MLKL: variants seen among roughly 807,000 people sequenced by gnomAD.
MLKL encodes mixed lineage kinase domain like pseudokinase, also known as mixed lineage kinase domain-like protein.
Under a neutral mutation model 56.5 loss-of-function variants are expected in MLKL, and 55 were observed. The ratio of observed to expected loss-of-function variants is 0.97; its 90% CI spans 0.78 to 1.22. The LOEUF (loss-of-function observed/expected upper bound fraction) is 1.22, where lower values mean the gene tolerates loss of function less well. Among genes scored for constraint, MLKL ranks in the 50% most tolerant of loss-of-function variants. The pLI, the probability that MLKL is intolerant of heterozygous loss-of-function variation, is 0.00. For synonymous variants in MLKL, 251 were observed against 208.3 expected (o/e 1.20, Z -1.76); for missense variants, 694 against 573.9 (o/e 1.21, Z -2.14).
intron 4 of MLKL, among the ~76,000 whole-genome samples, chr16:74,686,097 C>A (rs1960310338): frequency 6.6e-6 from 1 of 151,972 alleles, no homozygotes; most frequent in Admixed American, 6.6e-5. Context: ...GTAGCTGGAA[C>A]TACAGGTGCG....
chr16:74,691,757 C>G (rs989559957), intron 3 of MLKL, among the ~76,000 whole-genome samples: 4 of 152,164 alleles, frequency 2.6e-5, no homozygotes, highest in Non-Finnish European at 5.9e-5. Context: ...TCATCTCTCT[C>G]ATCCTGGAAG....
In MLKL at chr16:74,695,512, T is replaced by G. The variant is rs112620118; in HGVS notation, c.246A>C (p.Arg82Ser). Residue 82 changes from arginine to serine, a missense_variant, in exon 2 of 11, where the codon AGA becomes AGC. By Grantham distance (110) the Arg-to-Ser change is moderately radical (BLOSUM62 -1). Coordinates refer to ENST00000308807, the MANE Select transcript of MLKL (RefSeq NM_152649.4). Reference sequence around the variant, plus strand: ...CTGTTAGAAACCTGCAGATATTGGATCTATTGCTGAACTTTTCTATCTCCC... The same window carrying G: ...CTGTTAGAAACCTGCAGATATTGGAGCTATTGCTGAACTTTTCTATCTCCC... Reference protein sequence around the residue: ...ANGEIEKFSNRSNICRFLTAS... With the variant: ...ANGEIEKFSNSSNICRFLTAS... 1,571 of 1,614,154 alleles carry G rather than the reference T, an allele frequency of 9.7e-4. 8 individuals carry two copies. The African/African-American group carries it at 0.018, about 18-fold the overall frequency.
intron 10 of MLKL, among the ~76,000 whole-genome samples, chr16:74,673,141 G>C (rs1388569997): frequency 6.6e-6 from 1 of 152,166 alleles, no homozygotes; most frequent in African/African-American, 2.4e-5. Flanking sequence ...TCATGCTCAA[G>C]ACTTCTGTAA....
At chr16:74,691,585 T>C (rs1352470876) in intron 3 of MLKL, 122 bp from the exon 4 acceptor site, 9 of 1,129,920 alleles carry the variant, frequency 8.0e-6, no homozygotes, top group Non-Finnish European at 1.0e-5. Flanking sequence ...CCAGAGCTGG[T>C]GGTGGCTGGG....
intron 1 of MLKL, among the ~76,000 whole-genome samples, chr16:74,699,967 AG>A (rs34849049): frequency 4.6e-5 from 7 of 152,132 alleles, no homozygotes; most frequent in Non-Finnish European, 1.0e-4. Context: ...AAAAAGAAAA[AG>A]GGGATTATGT....
intron 1 of MLKL, among the ~76,000 whole-genome samples, chr16:74,697,772 T>C (rs903528984): frequency 6.6e-6 from 1 of 151,846 alleles, no homozygotes. Flanking sequence ...TGAGCTATGA[T>C]GACACCACTG....
chr16:74,672,905 C>A (rs1959323803), intron 10 of MLKL, among the ~76,000 whole-genome samples: 1 of 152,130 alleles, frequency 6.6e-6, no homozygotes, highest in South Asian at 2.1e-4. Context: ...GGCTTCTCAT[C>A]CACCCCAAAG....
At chr16:74,700,285 T>C (rs916679241) in intron 1 of MLKL, among the ~76,000 whole-genome samples, 168 bp downstream of exon 1, 2 of 152,002 alleles carry the variant, frequency 1.3e-5, no homozygotes, top group African/African-American at 4.8e-5. Context: ...TAGTGCGAGA[T>C]CCGAGCAGGC....
At chr16:74,676,476 T>TTTCA (rs776138693) in intron 7 of MLKL, 85 of 985,066 alleles carry the variant, frequency 8.6e-5, no homozygotes, top group African/African-American at 1.6e-4. Flanking sequence ...CTCATCCCCC[T>TTTCA]TTCATTCATT....
intron 5 of MLKL, 78 bp from the exon 6 acceptor site, chr16:74,682,864 C>G (rs1567606978): frequency 1.2e-5 from 19 of 1,536,864 alleles, no homozygotes; most frequent in Non-Finnish European, 1.7e-5. Context: ...CTCTCCCAGC[C>G]TCGGTACAGA....
In MLKL at chr16:74,695,697, T is replaced by C; in HGVS notation, c.61A>G (p.Met21Val). 2.5e-6 allele frequency: 4 copies of C among 1,614,064 alleles called. No individual in the cohort carries two copies. Among genetic ancestry groups the C allele is most frequent in the Non-Finnish European group, 2.5e-6 (3 of 1,180,036 alleles). Reference sequence around the variant, plus strand: ...CGGCACTGTTTCTTGCAGTATTTCATCTCTTCACACCGTTTGTGGATGACC... The same window carrying C: ...CGGCACTGTTTCTTGCAGTATTTCACCTCTTCACACCGTTTGTGGATGACC... ...GQVIHKRCEE[M>V]KYCKKQCRRL... The change falls in exon 2 of 11, where the codon ATG becomes GTG. Residue 21 changes from methionine to valine, a missense_variant. Coordinates refer to ENST00000308807, the MANE Select transcript of MLKL (RefSeq NM_152649.4).
chr16:74,676,135 A>T (rs1597480291), intron 7 of MLKL: 1 of 460,472 alleles, frequency 2.2e-6, no homozygotes, highest in Non-Finnish European at 2.9e-6. Flanking sequence ...GTGAGAGTGG[A>T]GAGGGGTCAT....
At chr16:74,683,617 T>A (rs1334740149) in intron 5 of MLKL, among the ~76,000 whole-genome samples, 1 of 152,042 alleles carries the variant, frequency 6.6e-6, no homozygotes, top group African/African-American at 2.4e-5. Flanking sequence ...AAAAATTCTT[T>A]TTCTTTTTCT....
At position 74,682,692 on chromosome 16, in the gene MLKL, C is replaced by CTTGCCAAGTGTGAGGTCTTTG; in HGVS notation, c.914_915insCAAAGACCTCACACTTGGCAA (p.Gly304_Lys305insAsnLysAspLeuThrLeuGly). 1 of 1,614,174 alleles carries CTTGCCAAGTGTGAGGTCTTTG rather than the reference C, an allele frequency of 6.2e-7. No homozygotes were observed. The highest frequency in any genetic ancestry group is 8.5e-7 in the Non-Finnish European group (1 of 1,180,024). ...CTGCCCCCAGGACTAGGACCATGCG[C>CTTGCCAAGTGTGAGGTCTTTG]TTGCCAAGTGTGAGGTCTTTTTCCC... On this transcript the variant is annotated inframe_insertion, in exon 6 of 11. Coordinates refer to ENST00000308807, the MANE Select transcript of MLKL (RefSeq NM_152649.4).
chr16:74,695,688 A>T lies in MLKL; in HGVS notation c.70T>A (p.Cys24Ser), dbSNP rs755990531. 1 of 1,614,100 alleles carries T rather than the reference A, an allele frequency of 6.2e-7. No homozygotes were observed. The highest frequency in any genetic ancestry group is 2.2e-5 in the East Asian group (1 of 44,880). Residue 24 changes from cysteine to serine, a missense_variant, in exon 2 of 11, where the codon TGC becomes AGC. Transcript: ENST00000308807. Reference protein sequence around the residue: ...IHKRCEEMKYCKKQCRRLGHR... With the variant: ...IHKRCEEMKYSKKQCRRLGHR... ...CCCAGGCGCCGGCACTGTTTCTTGCAGTATTTCATCTCTTCACACCGTTTG... is the reference window on the plus strand; with the variant it reads ...CCCAGGCGCCGGCACTGTTTCTTGCTGTATTTCATCTCTTCACACCGTTTG...
chr16:74,695,599 C>A lies in MLKL; in HGVS notation c.159G>T (p.Val53=). 1 of 1,614,214 alleles carries A rather than the reference C, an allele frequency of 6.2e-7. No individual in the cohort carries two copies. The highest frequency in any genetic ancestry group is 8.5e-7 in the Non-Finnish European group (1 of 1,180,042). The stretch of plus-strand genomic sequence containing the variant: ...TGGCTGTGGTTAACTTCTCAGAGGG[C>A]ACGCTCCTCTTTCCTTGGTCCTGGA... The part of the protein sequence containing the change: ...EMLQDQGKRS[V]PSEKLTTAMN... The change falls in exon 2 of 11, where the codon GTG becomes GTT. Residue 53 remains valine, a synonymous_variant. Transcript: ENST00000308807.
chr16:74,697,435 G>C (rs754233446), intron 1 of MLKL, among the ~76,000 whole-genome samples: 14 of 152,086 alleles, frequency 9.2e-5, no homozygotes, highest in Admixed American at 2.6e-4. Context: ...AGCCGACTGC[G>C]TTCAGCAATG....
intron 4 of MLKL, among the ~76,000 whole-genome samples, chr16:74,688,574 C>G (rs1338303079): frequency 6.6e-6 from 1 of 151,876 alleles, no homozygotes. Context: ...ATTAACTGGG[C>G]CTGGTGGTGC....
chr16:74,678,553 G>A (rs781454432), intron 7 of MLKL: 2 of 214,020 alleles, frequency 9.3e-6, no homozygotes, highest in South Asian at 7.2e-5. Flanking sequence ...GGAGGCCCAG[G>A]TGGGCGGATC....
Sources: gnomAD v4.1 joint callset for allele counts (sites outside exome capture counted in the v4.1 genomes callset) on GRCh38, gnomAD v4.1.1 for gene constraint, MANE v1.5 for transcripts, NCBI Gene and HGNC (gene_info 2026-07-23, HGNC 2026-07-21) for gene names.